PIP5K1B: variants seen among roughly 807,000 people sequenced by gnomAD.
PIP5K1B encodes phosphatidylinositol-4-phosphate 5-kinase type 1 beta, also known as phosphatidylinositol 4-phosphate 5-kinase type-1 beta.
PIP5K1B carries 42 observed loss-of-function variants against 67.0 expected under a neutral mutation model. The observed-to-expected ratio is 0.63, with a 90% CI of 0.49 to 0.81. The LOEUF is 0.81. Among genes scored for constraint, PIP5K1B ranks in the 30% least tolerant of loss-of-function variants. PIP5K1B has a pLI of 0.00. For missense variants in PIP5K1B, 459 were observed against 646.3 expected, an observed-to-expected ratio of 0.71 and a Z score of 3.14; for synonymous variants, 214 against 231.4, an observed-to-expected ratio of 0.92 and a Z score of 0.68.
At chr9:68,773,904 C>G (rs917220253) in intron 2 of PIP5K1B, among the ~76,000 whole-genome samples, 7 of 152,114 alleles carry the variant, frequency 4.6e-5, no homozygotes, top group Middle Eastern at 6.8e-3. Context: ...TCAGAATAAC[C>G]AAGTAAGTTC....
At chr9:68,986,628 C>A (rs943436435) in intron 14 of PIP5K1B, among the ~76,000 whole-genome samples, 1 of 152,096 alleles carries the variant, frequency 6.6e-6, no homozygotes, top group Non-Finnish European at 1.5e-5. Context: ...TTGATTTTAT[C>A]AAATTTTGAC....
chr9:68,738,302 TTTTC>T (rs1282645460), intron 1 of PIP5K1B, among the ~76,000 whole-genome samples: 3 of 152,390 alleles, frequency 2.0e-5, no homozygotes, highest in South Asian at 2.1e-4. Flanking sequence ...CAACAGTTGA[TTTTC>T]TTTATTTTTG....
chr9:68,727,243 G>A (rs1828196965), intron 1 of PIP5K1B, among the ~76,000 whole-genome samples: 1 of 152,150 alleles, frequency 6.6e-6, no homozygotes, highest in South Asian at 2.1e-4. Flanking sequence ...TAACTATCAA[G>A]AGACTAAAAC....
intron 15 of PIP5K1B, among the ~76,000 whole-genome samples, chr9:69,007,217 C>T (rs1306524116): frequency 6.6e-6 from 1 of 152,184 alleles, no homozygotes; most frequent in Non-Finnish European, 1.5e-5. Flanking sequence ...AAACAGAATT[C>T]CCTGTATGTG....
intron 14 of PIP5K1B, among the ~76,000 whole-genome samples, chr9:68,981,999 A>G (rs1056823554): frequency 6.6e-6 from 1 of 152,202 alleles, no homozygotes; most frequent in African/African-American, 2.4e-5. Context: ...AGGGAAGAAC[A>G]TAGCTGAGTA....
intron 2 of PIP5K1B, among the ~76,000 whole-genome samples, chr9:68,808,627 G>A (rs1169542949): frequency 1.3e-5 from 2 of 152,200 alleles, no homozygotes; most frequent in African/African-American, 4.8e-5. Flanking sequence ...AAAGGCTTAT[G>A]AATTCTTTTA....
At chr9:68,790,427 G>A (rs1338180288) in intron 2 of PIP5K1B, among the ~76,000 whole-genome samples, 3 of 152,172 alleles carry the variant, frequency 2.0e-5, no homozygotes, top group Non-Finnish European at 4.4e-5. Context: ...GTTCCAAAGG[G>A]TTAGTCTTAT....
chr9:68,746,081 T>TTTG (rs1294578333), intron 2 of PIP5K1B, among the ~76,000 whole-genome samples: 1 of 148,072 alleles, frequency 6.8e-6, no homozygotes, highest in African/African-American at 2.5e-5. Flanking sequence ...TAACTCTTTT[T>TTTG]TTTTTTTTTT....
chr9:68,732,192 G>A (rs1374817181), intron 1 of PIP5K1B, among the ~76,000 whole-genome samples: 1 of 152,194 alleles, frequency 6.6e-6, no homozygotes, highest in Admixed American at 6.5e-5. Context: ...CACCTTTCAA[G>A]GTGTAGTTTC....
intron 6 of PIP5K1B, among the ~76,000 whole-genome samples, chr9:68,881,718 T>C (rs1824207864): frequency 6.6e-6 from 1 of 152,204 alleles, no homozygotes; most frequent in Non-Finnish European, 1.5e-5. Flanking sequence ...GTGAAGGGGC[T>C]TCTGTACATA....
At chr9:68,737,511 T>C (rs1029992988) in intron 1 of PIP5K1B, among the ~76,000 whole-genome samples, 1 of 152,170 alleles carries the variant, frequency 6.6e-6, no homozygotes, top group Non-Finnish European at 1.5e-5. Context: ...GGGATTTGGA[T>C]GACAATGAAA....
At position 68,919,693 on chromosome 9, in the gene PIP5K1B, G is replaced by A. The variant is rs760152565; in HGVS notation, c.1080G>A (p.Lys360=). The change falls in exon 11 of 16, where the codon AAG becomes AAA. Residue 360 remains lysine (K), a synonymous_variant. Transcript: ENST00000265382. ...DILQSYRLMK[K]LEHSWKALVY... ...CATTTATATTTAGGTTAATGAAGAA[G>A]TTAGAACATTCCTGGAAAGCTCTTG... 6 of 1,556,354 alleles carry A rather than the reference G, an allele frequency of 3.9e-6. No homozygotes were observed. Among genetic ancestry groups the A allele is most frequent in the East Asian group, 4.5e-5 (2 of 44,484 alleles).
intron 4 of PIP5K1B, among the ~76,000 whole-genome samples, chr9:68,826,859 C>A (rs1160688726): frequency 6.6e-6 from 1 of 152,216 alleles, no homozygotes; most frequent in African/African-American, 2.4e-5. Flanking sequence ...TCAAGCGATT[C>A]TCCTGCCTCA....
chr9:68,929,378 T>C (rs1372741988), intron 12 of PIP5K1B, among the ~76,000 whole-genome samples: 2 of 152,134 alleles, frequency 1.3e-5, no homozygotes, highest in Non-Finnish European at 2.9e-5. Flanking sequence ...TCACTCCCTC[T>C]TCTGGCTCCA....
chr9:68,819,517 C>G (rs978983701), intron 3 of PIP5K1B, among the ~76,000 whole-genome samples: 3 of 152,160 alleles, frequency 2.0e-5, no homozygotes, highest in African/African-American at 7.2e-5. Flanking sequence ...AAGCAATCAT[C>G]CCATCCTGGC....
chr9:68,808,158 A>C (rs1363636016), intron 2 of PIP5K1B, among the ~76,000 whole-genome samples: 1 of 152,234 alleles, frequency 6.6e-6, no homozygotes, highest in Non-Finnish European at 1.5e-5. Context: ...CGATCATGCC[A>C]CTGCACTCCA....
At chr9:68,753,906 C>G (rs548252541) in intron 2 of PIP5K1B, among the ~76,000 whole-genome samples, 2 of 151,702 alleles carry the variant, frequency 1.3e-5, no homozygotes, top group Admixed American at 1.3e-4. Context: ...GTGATCCACC[C>G]GCCTTGGCCT....
At chr9:68,791,719 C>G (rs145962152) in intron 2 of PIP5K1B, among the ~76,000 whole-genome samples, 46 of 152,300 alleles carry the variant, frequency 3.0e-4, no homozygotes, top group African/African-American at 8.7e-4. Context: ...TATAGTCTTT[C>G]TCAAGGCCCC....
chr9:68,771,806 A>C (rs1830682916), intron 2 of PIP5K1B, among the ~76,000 whole-genome samples: 1 of 152,214 alleles, frequency 6.6e-6, no homozygotes, highest in African/African-American at 2.4e-5. Flanking sequence ...ATTTCCTAAT[A>C]AGTGGGAACT....
Sources: allele counts gnomAD v4.1 joint callset (sites outside exome capture counted in the v4.1 genomes callset), GRCh38; gene constraint gnomAD v4.1.1; transcripts MANE v1.5; gene names NCBI Gene and HGNC (gene_info 2026-07-23, HGNC 2026-07-21).